The following MEGF6 variants were observed in gnomAD, a reference collection of about 807,000 sequenced individuals.
MEGF6 encodes multiple EGF like domains 6.
In MEGF6, 184 loss-of-function variants were observed where a neutral mutation model predicts 207.1. That is an observed-to-expected ratio of 0.89 (90% CI 0.79 to 1.00). MEGF6 has a LOEUF of 1.00. MEGF6 is among the 50% of genes least tolerant of loss of function. The pLI is 0.00. For missense variants in MEGF6, 2,282 were observed against 2,202.9 expected (o/e 1.04, Z -0.72); for synonymous variants, 1,038 against 910.0 (o/e 1.14, Z -2.53).
rs780759682 is a variant in MEGF6, at chr1:3,515,521, T to TTAA, written c.608_610dup (p.Ile203dup). 1 of 1,611,498 alleles carries TTAA rather than the reference T, an allele frequency of 6.2e-7. No homozygotes were observed. Among genetic ancestry groups the TTAA allele is most frequent in the Admixed American group, 1.7e-5 (1 of 59,988 alleles). ...GCCGCCATTGCCCAGGGCGCAGGAG[T>TTAA]TAATGGCTGGGGACACAGGGAGGAC... On this transcript the variant is annotated inframe_insertion, in exon 6 of 37. Coordinates refer to ENST00000356575, the MANE Select transcript of MEGF6 (RefSeq NM_001409.4).
chr1:3,610,825 C>T (rs1644314628), intron 1 of MEGF6, among the ~76,000 whole-genome samples: 1 of 152,178 alleles, frequency 6.6e-6, no homozygotes, highest in Admixed American at 6.5e-5. Context: ...CCAGACCCTG[C>T]CCGGAAAGGG....
In MEGF6 at chr1:3,490,241, G is replaced by A. The variant is rs1046266766; in HGVS notation, c.*287C>T. 1 of 497,734 alleles carries A rather than the reference G, an allele frequency of 2.0e-6. No homozygotes were observed. The highest frequency in any genetic ancestry group is 3.5e-6 in the Non-Finnish European group (1 of 283,102). The allele number at this position is 497,734 out of a possible 1,614,324, so 30.8% of individuals were successfully genotyped here. ...GTCCTCAGTCCAACTCAGAGCCGCG[G>A]GGAGAGCGGGACTTCCTCAGCCCAG... On this transcript the variant is annotated 3_prime_UTR_variant, in exon 37 of 37. Transcript: ENST00000356575.
chr1:3,511,646 C>T lies in MEGF6; in HGVS notation c.1018G>A (p.Gly340Ser), dbSNP rs747023366. Residue 340 changes from glycine to serine, a missense_variant, in exon 9 of 37, where the codon GGC becomes AGC. Gly to Ser is a moderately conservative substitution (Grantham distance 56, BLOSUM62 0). Coordinates refer to ENST00000356575, the MANE Select transcript of MEGF6 (RefSeq NM_001409.4). The stretch of plus-strand genomic sequence containing the variant: ...TGGCTGCAGCCATGGGAGCAGCCGC[C>T]GTTGTTGGCCTCACAGCTGTTCACG... The part of the protein sequence containing the change: ...EIVNSCEANN[G>S]GCSHGCSHTS... 5 of 1,612,156 alleles carry T rather than the reference C, an allele frequency of 3.1e-6. No individual in the cohort carries two copies. Among genetic ancestry groups the T allele is most frequent in the South Asian group, 2.2e-5 (2 of 91,074 alleles).
rs1643329716 is a variant in MEGF6, at chr1:3,565,857, C to CT, written c.481+13967dup. ...CTCGGCATTCCGTCCAGGGCAGGCA[C>CT]TGTGGACCCTGACACCCAGCGGCAC... is the stretch of plus-strand genomic sequence containing the variant. On this transcript the variant is annotated intron_variant, in intron 4 of 36. Transcript: ENST00000356575. The surrounding 1 kb of genome is among the most constrained non-coding windows in gnomAD (Gnocchi z 4.8). Among the ~76,000 whole-genome samples the CT allele has an allele frequency of 6.6e-6, 1 of 152,204 alleles. No homozygotes were observed. The highest frequency in any genetic ancestry group is 1.5e-5 in the Non-Finnish European group (1 of 68,020).
chr1:3,493,344 C>T, intron 34 of MEGF6: 1 of 237,734 alleles, frequency 4.2e-6, no homozygotes, highest in Non-Finnish European at 8.3e-6. Flanking sequence ...CCCTGCTATC[C>T]TCAGGTGAGC....
intron 1 of MEGF6, among the ~76,000 whole-genome samples, chr1:3,605,981 C>G (rs1368538730): frequency 2.0e-5 from 3 of 152,254 alleles, no homozygotes; most frequent in African/African-American, 7.2e-5. Context: ...CCTCCCGGGA[C>G]AGTGCCACCC....
At chr1:3,618,425 G>A in the MEGF6 span, among the ~76,000 whole-genome samples, 2 of 152,126 alleles carry the variant, frequency 1.3e-5, no homozygotes, top group African/African-American at 4.8e-5. The surrounding 1 kb of genome is among the most constrained non-coding windows in gnomAD (Gnocchi z 4.7). Context: ...TGGGGACCCT[G>A]GGCCCCACAC....
At chr1:3,557,482 G>A (rs114424306) in intron 4 of MEGF6, among the ~76,000 whole-genome samples, 1,526 of 152,310 alleles carry the variant, frequency 0.01, 21 homozygotes, top group African/African-American at 0.035. Flanking sequence ...AAGCAAGCCC[G>A]GCGTCCAGGC....
intron 4 of MEGF6, among the ~76,000 whole-genome samples, chr1:3,535,848 C>T (rs1225322028): frequency 5.3e-5 from 8 of 152,234 alleles, no homozygotes; most frequent in African/African-American, 1.2e-4. Flanking sequence ...CCACCTCCTT[C>T]GGGTTCCTCC....
At chr1:3,620,088 T>C in the MEGF6 span, among the ~76,000 whole-genome samples, 2 of 152,134 alleles carry the variant, frequency 1.3e-5, no homozygotes, top group Non-Finnish European at 2.9e-5. Context: ...CCGTGGAACT[T>C]TGAATTTGAG....
In MEGF6 at chr1:3,556,388, T is replaced by C. The variant is rs7520098; in HGVS notation, c.481+23437A>G. Among the ~76,000 whole-genome samples the C allele has an allele frequency of 0.15, 22,085 of 152,206 alleles. 3,375 individuals carry two copies. Among genetic ancestry groups the C allele is most frequent in the African/African-American group, 0.39 (16,262 of 41,470 alleles). On this transcript the variant is annotated intron_variant, in intron 4 of 36. Transcript: ENST00000356575. This position sits in a 1 kb window ranked among gnomAD's most constrained non-coding sequence, Gnocchi z 4.4. ...ATGAAGTTTCATGGTAAGTGGCGCA[T>C]CCAAAACCGCCGGCTGGCTGAACCA... is the stretch of plus-strand genomic sequence containing the variant.
chr1:3,501,867 C>G lies in MEGF6; in HGVS notation c.2243G>C (p.Gly748Ala). The change falls in exon 18 of 37, where the codon GGG becomes GCG. Residue 748 changes from glycine (G) to alanine (A), a missense_variant. Physicochemically the swap from Gly to Ala is moderately conservative, Grantham distance 60 (BLOSUM62 0). Transcript: ENST00000356575. ...VNCSSSCSCG[G>A]APCHGVTGQC... ...CCCCGTGACCCCGTGGCAGGGGGCC[C>G]CCCCACAGGAGCAGGAGCTCGAGCA... The G allele has an allele frequency of 1.9e-6, 3 of 1,608,498 alleles. No individual in the cohort carries two copies. The highest frequency in any genetic ancestry group is 2.5e-6 in the Non-Finnish European group (3 of 1,178,550).
upstream of MEGF6, among the ~76,000 whole-genome samples, chr1:3,615,890 T>G (rs537012083): frequency 1.3e-5 from 2 of 152,218 alleles, no homozygotes; most frequent in African/African-American, 4.8e-5. Flanking sequence ...TCAGAGCCTC[T>G]CCCCAGTAGA....
intron 4 of MEGF6, chr1:3,531,134 G>C: frequency 2.0e-6 from 3 of 1,529,990 alleles, no homozygotes; most frequent in Non-Finnish European, 2.6e-6. Flanking sequence ...AGGTGACATG[G>C]GTAGCAGCCC....
rs752214286 is a variant in MEGF6 at position 3,495,971 on chromosome 1, A to T, written c.3790T>A (p.Cys1264Ser). ...FGPNCTHVCG[C>S]GQGAACDPVT... is the part of the protein sequence containing the mutation. Reference sequence around the variant, plus strand: ...GGGTCGCAGGCCGCCCCCTGCCCACACCCACACACGTGGGTGCAGTTGGGG... The same window carrying T: ...GGGTCGCAGGCCGCCCCCTGCCCACTCCCACACACGTGGGTGCAGTTGGGG... Residue 1264 changes from cysteine (C) to serine (S), a missense_variant, in exon 30 of 37, where the codon TGT becomes AGT. Transcript: ENST00000356575. The T allele has an allele frequency of 3.2e-6, 5 of 1,577,024 alleles. No homozygotes were observed. The highest frequency in any genetic ancestry group is 4.3e-6 in the Non-Finnish European group (5 of 1,169,024).
At chr1:3,533,159 A>G (rs1570076747) in intron 4 of MEGF6, among the ~76,000 whole-genome samples, 1 of 152,310 alleles carries the variant, frequency 6.6e-6, no homozygotes, top group African/African-American at 2.4e-5. Flanking sequence ...CCTGGGAGCA[A>G]GGGCTGAGGG....
chr1:3,496,893 CCT>C, intron 28 of MEGF6, 93 bp downstream of exon 28: 1 of 1,523,284 alleles, frequency 6.6e-7, no homozygotes, highest in South Asian at 1.2e-5. Flanking sequence ...TCTTCCACCC[CCT>C]CAGATGAGGG....
At chr1:3,550,459 T>G (rs1642849408) in intron 4 of MEGF6, among the ~76,000 whole-genome samples, 1 of 152,140 alleles carries the variant, frequency 6.6e-6, no homozygotes, top group South Asian at 2.1e-4. Flanking sequence ...GAGATAAAGG[T>G]GATGGCTGCA....
At chr1:3,496,139 G>A in intron 29 of MEGF6, 121 bp from the exon 30 acceptor site, 1 of 1,369,114 alleles carries the variant, frequency 7.3e-7, no homozygotes, top group Non-Finnish European at 9.6e-7. Flanking sequence ...CCCCAGACAG[G>A]GTGGGGCCAG....
Sources: allele counts gnomAD v4.1 joint callset (sites outside exome capture counted in the v4.1 genomes callset), GRCh38; gene constraint gnomAD v4.1.1; non-coding constraint Gnocchi (gnomAD v3.1); transcripts MANE v1.5; gene names NCBI Gene and HGNC (gene_info 2026-07-23, HGNC 2026-07-21).